Variants in DCC observed in about 807,000 individuals in gnomAD.
DCC encodes the protein netrin receptor DCC.
Under a neutral mutation model 172.5 loss-of-function variants are expected in DCC, and 58 were observed. That is an observed-to-expected ratio of 0.34 (90% confidence interval 0.27 to 0.42). The LOEUF is 0.42. Among genes scored for constraint, DCC ranks in the 10% least tolerant of loss-of-function variants. DCC has a pLI of 1.00. For synonymous variants in DCC, 709 were observed against 644.5 expected (o/e 1.10, Z -1.52); for missense variants, 1,740 against 1,791.0 (o/e 0.97, Z 0.51).
chr18:52,498,748 G>C (rs1053702762), intron 1 of DCC, among the ~76,000 whole-genome samples: 2 of 152,042 alleles, frequency 1.3e-5, no homozygotes, highest in African/African-American at 4.8e-5. Context: ...TCTTTTCCTG[G>C]CTTGAAAAGG....
At chr18:52,975,846 T>A (rs147331156) in intron 5 of DCC, among the ~76,000 whole-genome samples, 2,106 of 152,306 alleles carry the variant, frequency 0.014, 54 homozygotes, top group African/African-American at 0.049. Flanking sequence ...TATAATATAA[T>A]GATTTTTATT....
At chr18:52,801,086 G>A (rs534067185) in intron 2 of DCC, among the ~76,000 whole-genome samples, 1 of 152,228 alleles carries the variant, frequency 6.6e-6, no homozygotes, top group South Asian at 2.1e-4. Flanking sequence ...AGTGTGCAAG[G>A]TCTGTCTCTT....
intron 13 of DCC, among the ~76,000 whole-genome samples, chr18:53,321,113 T>C (rs1267643449): frequency 6.6e-6 from 1 of 152,192 alleles, no homozygotes; most frequent in South Asian, 2.1e-4. Flanking sequence ...TCTTCAAATA[T>C]GTAATTTTGT....
chr18:52,829,874 G>A (rs575103632), intron 2 of DCC, among the ~76,000 whole-genome samples: 1 of 152,242 alleles, frequency 6.6e-6, no homozygotes, highest in Non-Finnish European at 1.5e-5. Context: ...TAGACTGAAA[G>A]TTTAGGCAGC....
At chr18:52,398,521 C>T (rs1209802551) in intron 1 of DCC, among the ~76,000 whole-genome samples, 5 of 151,932 alleles carry the variant, frequency 3.3e-5, no homozygotes, top group Non-Finnish European at 7.4e-5. Context: ...CTTTTTCAAT[C>T]ATCTCTCATT....
At chr18:52,406,384 C>A (rs1986652041) in intron 1 of DCC, among the ~76,000 whole-genome samples, 1 of 151,610 alleles carries the variant, frequency 6.6e-6, no homozygotes, top group Admixed American at 6.6e-5. Flanking sequence ...AGTGAACAGG[C>A]AACCTACAAA....
At chr18:52,532,073 G>A (rs757293043) in intron 1 of DCC, among the ~76,000 whole-genome samples, 2 of 152,108 alleles carry the variant, frequency 1.3e-5, no homozygotes, top group Non-Finnish European at 2.9e-5. Flanking sequence ...TCCCCTCACA[G>A]CCATCATCAA....
chr18:53,065,084 G>C (rs2042547511), intron 6 of DCC, among the ~76,000 whole-genome samples: 1 of 152,138 alleles, frequency 6.6e-6, no homozygotes, highest in Non-Finnish European at 1.5e-5. Flanking sequence ...CCAGAAATTT[G>C]AGAGCCATTT....
chr18:52,919,755 C>CA (rs1377077927), intron 3 of DCC, among the ~76,000 whole-genome samples: 2 of 151,656 alleles, frequency 1.3e-5, no homozygotes, highest in African/African-American at 4.8e-5. Flanking sequence ...CATGGAAAGA[C>CA]AAGAGACCCA....
chr18:53,328,799 C>T (rs1023544403), intron 14 of DCC, among the ~76,000 whole-genome samples: 1 of 152,064 alleles, frequency 6.6e-6, no homozygotes, highest in Non-Finnish European at 1.5e-5. Context: ...GAACTCCTGA[C>T]CTCAGGTGAT....
chr18:52,648,702 G>A (rs902115329), intron 1 of DCC, among the ~76,000 whole-genome samples: 3 of 152,156 alleles, frequency 2.0e-5, no homozygotes, highest in Non-Finnish European at 4.4e-5. Context: ...TACTAGAGTT[G>A]AGGGAAAGGG....
chr18:52,417,771 G>T lies in DCC; in HGVS notation c.91+76893G>T, dbSNP rs1222944. Reference sequence around the variant, plus strand: ...TATTGGTTATTCTAGTTATACATTCGTCTAAATTTTTTTCAAAGTTTTTAA... The same window carrying T: ...TATTGGTTATTCTAGTTATACATTCTTCTAAATTTTTTTCAAAGTTTTTAA... On this transcript the variant is annotated intron_variant, in intron 1 of 28. Coordinates refer to ENST00000442544, the MANE Select transcript of DCC (RefSeq NM_005215.4). Among the ~76,000 whole-genome samples, 178 of 152,156 alleles carry T rather than the reference G, an allele frequency of 1.2e-3. 2 individuals are homozygous for T. Among genetic ancestry groups the T allele is most frequent in the African/African-American group, 4.1e-3 (169 of 41,516 alleles).
At chr18:52,741,405 C>G (rs953589995) in intron 1 of DCC, among the ~76,000 whole-genome samples, 4 of 152,140 alleles carry the variant, frequency 2.6e-5, no homozygotes, top group African/African-American at 7.2e-5. Flanking sequence ...TCATCCTCAT[C>G]ACTACTGATG....
At chr18:52,661,331 G>T (rs919399132) in intron 1 of DCC, among the ~76,000 whole-genome samples, 7 of 152,106 alleles carry the variant, frequency 4.6e-5, no homozygotes, top group African/African-American at 1.7e-4. Context: ...CTGAGCAATT[G>T]GATATCCTTA....
chr18:53,227,862 G>T (rs534674338), intron 12 of DCC, among the ~76,000 whole-genome samples: 2 of 152,084 alleles, frequency 1.3e-5, no homozygotes, highest in Non-Finnish European at 2.9e-5. Context: ...TAGCTGAGAG[G>T]CAGTAGCTAT....
At chr18:53,156,503 G>A (rs971916429) in intron 7 of DCC, among the ~76,000 whole-genome samples, 119 of 145,662 alleles carry the variant, frequency 8.2e-4, no homozygotes, top group African/African-American at 2.5e-3. Context: ...AAAAAAAAAA[G>A]AATCAACTTC....
chr18:52,831,840 T>C (rs2038619813), intron 2 of DCC, among the ~76,000 whole-genome samples: 1 of 152,092 alleles, frequency 6.6e-6, no homozygotes, highest in Non-Finnish European at 1.5e-5. Flanking sequence ...CCTAATGTGT[T>C]AGGATTATGG....
intron 7 of DCC, among the ~76,000 whole-genome samples, chr18:53,075,768 A>G (rs142447310): frequency 1.3e-5 from 2 of 152,290 alleles, no homozygotes; most frequent in African/African-American, 4.8e-5. Flanking sequence ...AGAAAGAGAT[A>G]TATATTCCTT....
chr18:52,733,761 G>T lies in DCC; in HGVS notation c.92-18293G>T, dbSNP rs182571685. Among the ~76,000 whole-genome samples the T allele has an allele frequency of 1.9e-4, 29 of 152,226 alleles. No individual in the cohort carries two copies. The East Asian group carries it at 5.2e-3, about 27-fold the overall frequency. ...TCCTCCTGCCTCAGCCTCCCAAAGT[G>T]CTGGGATTACAGGTAAGAGCCACTG... On this transcript the variant is annotated intron_variant, in intron 1 of 28. Transcript: ENST00000442544.
Sources: gnomAD v4.1 joint callset for allele counts (sites outside exome capture counted in the v4.1 genomes callset) on GRCh38, gnomAD v4.1.1 for gene constraint, MANE v1.5 for transcripts, NCBI Gene and HGNC (gene_info 2026-07-23, HGNC 2026-07-21) for gene names.